The following FBXW8 variants were observed in gnomAD, a reference collection of about 807,000 sequenced individuals.
The protein encoded by FBXW8 is F-box and WD repeat domain containing 8.
FBXW8 carries 57 observed loss-of-function variants against 65.3 expected under a neutral mutation model. That is an observed-to-expected ratio of 0.87 (90% CI 0.71 to 1.09). The LOEUF (loss-of-function observed/expected upper bound fraction) is 1.09, where lower values mean the gene tolerates loss of function less well. Among genes scored for constraint, FBXW8 ranks in the 50% least tolerant of loss-of-function variants. The probability of loss-of-function intolerance (pLI) is 0.00; values close to 1 mark genes in which losing one functional copy is unlikely to be tolerated. For missense variants in FBXW8, 777 were observed against 814.8 expected, an observed-to-expected ratio of 0.95 and a Z score of 0.57; for synonymous variants, 308 against 330.2, an observed-to-expected ratio of 0.93 and a Z score of 0.73.
At chr12:116,980,546 T>C (rs1885236393) in intron 5 of FBXW8, 1 of 152,186 alleles carries the variant, frequency 6.6e-6, no homozygotes, top group Non-Finnish European at 1.5e-5. Flanking sequence ...AAGTTCACAG[T>C]GTCAGGAGCC....
intron 3 of FBXW8, among the ~76,000 whole-genome samples, chr12:116,947,177 AC>A (rs1200389464): frequency 7.2e-5 from 11 of 152,186 alleles, no homozygotes; most frequent in Non-Finnish European, 1.5e-5. Flanking sequence ...CAAGTTATAT[AC>A]AATCTAGCTG....
chr12:117,019,060 T>G (rs1954026808), intron 8 of FBXW8, among the ~76,000 whole-genome samples: 1 of 152,224 alleles, frequency 6.6e-6, no homozygotes, highest in Non-Finnish European at 1.5e-5. Flanking sequence ...ACTTTTTCTC[T>G]TCTCTTACCT....
chr12:116,962,889 T>C (rs529760098), intron 4 of FBXW8, among the ~76,000 whole-genome samples: 2 of 152,316 alleles, frequency 1.3e-5, no homozygotes, highest in African/African-American at 4.8e-5. Context: ...GGCAGTGAGC[T>C]CCAGGGTATG....
At chr12:116,947,069 G>A (rs950364796) in intron 3 of FBXW8, among the ~76,000 whole-genome samples, 1 of 152,168 alleles carries the variant, frequency 6.6e-6, no homozygotes, top group Non-Finnish European at 1.5e-5. Context: ...AGAAAGCAAG[G>A]GAAGAGGACA....
At position 116,977,109 on chromosome 12, in the gene FBXW8, T is replaced by TGTCG; in HGVS notation, c.836-8095_836-8094insCGGT. On this transcript the variant is annotated intron_variant, in intron 5 of 10. Transcript: ENST00000652555. ...TGCCCAAGTGAGATGTTAGGCTGTC[T>TGTCG]GTGGTTTCTGTCTTCTCATTCTTAT... is the stretch of plus-strand genomic sequence containing the variant. Among the ~76,000 whole-genome samples, 3 of 152,378 alleles carry TGTCG rather than the reference T, an allele frequency of 2.0e-5. No homozygotes were observed. In the East Asian group the frequency reaches 5.8e-4, roughly 29 times the overall value.
At chr12:117,024,603 G>GAAACTACTTTT (rs1248409336) in intron 9 of FBXW8, among the ~76,000 whole-genome samples, 4 of 152,340 alleles carry the variant, frequency 2.6e-5, no homozygotes, top group African/African-American at 9.6e-5. Context: ...CTCTAAGAAT[G>GAAACTACTTTT]AAACTACTTT....
At chr12:117,015,211 G>C in intron 8 of FBXW8, among the ~76,000 whole-genome samples, 1 of 152,120 alleles carries the variant, frequency 6.6e-6, no homozygotes, top group East Asian at 1.9e-4. Context: ...AGGAAAAAGG[G>C]AAAAACATGG....
intron 5 of FBXW8, among the ~76,000 whole-genome samples, chr12:116,965,094 GTC>G (rs1884234107): frequency 6.6e-6 from 1 of 152,224 alleles, no homozygotes; most frequent in African/African-American, 2.4e-5. Context: ...TACTGGAACT[GTC>G]AGGCTGGGCG....
intron 8 of FBXW8, among the ~76,000 whole-genome samples, chr12:117,015,040 GA>G (rs1162539575): frequency 4.6e-5 from 7 of 152,132 alleles, no homozygotes; most frequent in African/African-American, 1.4e-4. Context: ...ACAAGAAAGA[GA>G]AAAAAACCTA....
In FBXW8 at chr12:116,936,125, C is replaced by G. The variant is rs1882139426; in HGVS notation, c.423+7998C>G. On this transcript the variant is annotated intron_variant, in intron 2 of 10. Transcript: ENST00000652555. This position sits in a 1 kb window ranked among gnomAD's most constrained non-coding sequence, Gnocchi z 4.6. The stretch of plus-strand genomic sequence containing the variant: ...CAGTAGAGGTGATATGGGGGTTGCA[C>G]TTTTGAGTGGCCAGGGAAGACTTTG... 6.6e-6 allele frequency among the ~76,000 whole-genome samples: 1 copy of G among 152,132 alleles called. No individual in the cohort carries two copies. Among genetic ancestry groups the G allele is most frequent in the South Asian group, 2.1e-4 (1 of 4,830 alleles).
chr12:116,962,018 G>T lies in FBXW8; in HGVS notation c.678-2679G>T, dbSNP rs1397786825. Among the ~76,000 whole-genome samples, 4 of 152,146 alleles carry T rather than the reference G, an allele frequency of 2.6e-5. No individual in the cohort carries two copies. In the East Asian group the frequency reaches 5.8e-4, roughly 22 times the overall value. ...GCTTGGCACCTGAGCATCTATAGTG[G>T]TGCGGGTAGTGGGCCACAGCGGTGT... On this transcript the variant is annotated intron_variant, in intron 4 of 10. Coordinates refer to ENST00000652555, the MANE Select transcript of FBXW8 (RefSeq NM_153348.3).
At chr12:116,977,794 C>T (rs1885050479) in intron 5 of FBXW8, 1 of 152,244 alleles carries the variant, frequency 6.6e-6, no homozygotes, top group South Asian at 2.1e-4. Flanking sequence ...ATCTGTTTTT[C>T]CTAAGATGTT....
intron 2 of FBXW8, among the ~76,000 whole-genome samples, chr12:116,938,587 C>T (rs140973735): frequency 3.9e-5 from 6 of 152,226 alleles, no homozygotes; most frequent in East Asian, 3.9e-4. Flanking sequence ...CTTTAAGGTC[C>T]GACATATTTG....
At chr12:116,995,224 C>A (rs778604361) in intron 7 of FBXW8, among the ~76,000 whole-genome samples, 2 of 152,208 alleles carry the variant, frequency 1.3e-5, no homozygotes, top group Non-Finnish European at 2.9e-5. Context: ...CGCGGACATG[C>A]TCCCCTTCTG....
At chr12:116,946,689 C>A (rs563245977) in intron 3 of FBXW8, among the ~76,000 whole-genome samples, 13 of 152,184 alleles carry the variant, frequency 8.5e-5, no homozygotes, top group African/African-American at 3.1e-4. Context: ...CACGCTGGCC[C>A]CACAGTGCCC....
At chr12:116,958,885 C>T (rs897008048) in intron 4 of FBXW8, among the ~76,000 whole-genome samples, 1 of 152,220 alleles carries the variant, frequency 6.6e-6, no homozygotes, top group African/African-American at 2.4e-5. Context: ...GCTTCAGAAT[C>T]CTTCTCAACA....
At chr12:117,004,955 T>C (rs901681926) in intron 7 of FBXW8, among the ~76,000 whole-genome samples, 1 of 152,228 alleles carries the variant, frequency 6.6e-6, no homozygotes, top group Non-Finnish European at 1.5e-5. Flanking sequence ...TTAAACAGAA[T>C]GTCTGAAGGA....
At chr12:116,954,111 CAAAAAAAA>C (rs59747365) in intron 4 of FBXW8, among the ~76,000 whole-genome samples, 7 of 100,648 alleles carry the variant, frequency 7.0e-5, no homozygotes, top group Non-Finnish European at 1.2e-4. Flanking sequence ...GACTCTGTCT[CAAAAAAAA>C]AAAAAAAAAA....
At chr12:117,019,824 T>A (rs183437133) in intron 8 of FBXW8, among the ~76,000 whole-genome samples, 126 of 152,330 alleles carry the variant, frequency 8.3e-4, no homozygotes, top group Middle Eastern at 6.8e-3. Context: ...TTTATTGCCC[T>A]CTTTCTTCTC....
Sources: allele counts gnomAD v4.1 joint callset (sites outside exome capture counted in the v4.1 genomes callset), GRCh38; gene constraint gnomAD v4.1.1; non-coding constraint Gnocchi (gnomAD v3.1); transcripts MANE v1.5; gene names NCBI Gene and HGNC (gene_info 2026-07-23, HGNC 2026-07-21).